The following RAB30 variants were observed in gnomAD, a reference collection of about 807,000 sequenced individuals.
RAB30 encodes the protein ras-related protein Rab-30.
In RAB30, 9 loss-of-function variants were observed where a neutral mutation model predicts 25.1. The ratio of observed to expected loss-of-function variants is 0.36; its 90% CI spans 0.22 to 0.63. The LOEUF (loss-of-function observed/expected upper bound fraction) is 0.63, where lower values mean the gene tolerates loss of function less well. Among genes scored for constraint, RAB30 ranks in the 20% least tolerant of loss-of-function variants. RAB30 has a pLI of 0.69. For missense variants in RAB30, 140 were observed against 243.5 expected (o/e 0.58, Z 2.83); for synonymous variants, 77 against 86.4 (o/e 0.89, Z 0.60).
intron 1 of RAB30, among the ~76,000 whole-genome samples, chr11:83,063,585 A>G (rs2121521340): frequency 6.6e-6 from 1 of 152,270 alleles, no homozygotes; most frequent in South Asian, 2.1e-4. Flanking sequence ...CCATCACAAA[A>G]ACCAGCAGGA....
chr11:83,037,458 C>T (rs956928534), intron 1 of RAB30, among the ~76,000 whole-genome samples: 7 of 152,160 alleles, frequency 4.6e-5, no homozygotes, highest in African/African-American at 1.7e-4. Flanking sequence ...CCATGTTGGC[C>T]GGACTGGTCT....
intron 1 of RAB30, among the ~76,000 whole-genome samples, chr11:83,014,670 G>GAAAGAAAGA (rs1555035157): frequency 4.8e-5 from 7 of 145,684 alleles, no homozygotes; most frequent in African/African-American, 1.8e-4. Context: ...AAGAAAGAAA[G>GAAAGAAAGA]AAAGAAAGAA....
chr11:83,034,811 C>T (rs1276537215), intron 1 of RAB30: 7 of 151,946 alleles, frequency 4.6e-5, no homozygotes, highest in African/African-American at 1.7e-4. Context: ...AACATTGACT[C>T]AGAGAGGTTC....
chr11:83,016,459 T>C (rs1283923619), intron 1 of RAB30, among the ~76,000 whole-genome samples: 1 of 152,230 alleles, frequency 6.6e-6, no homozygotes, highest in Non-Finnish European at 1.5e-5. Context: ...TTGGTTTCTT[T>C]TCAGATAAGA....
At chr11:82,993,764 T>C (rs1001058260) in intron 3 of RAB30, among the ~76,000 whole-genome samples, 2 of 152,230 alleles carry the variant, frequency 1.3e-5, no homozygotes, top group Admixed American at 1.3e-4. Flanking sequence ...AAAAGAAATT[T>C]CTTCCTTATC....
At chr11:83,026,658 T>C (rs1857721965) in intron 1 of RAB30, among the ~76,000 whole-genome samples, 2 of 152,172 alleles carry the variant, frequency 1.3e-5, no homozygotes, top group African/African-American at 4.8e-5. Context: ...AGTATTTCTT[T>C]GTAGTAATGC....
intron 1 of RAB30, among the ~76,000 whole-genome samples, chr11:83,061,239 CCTCT>C (rs990930554): frequency 2.0e-5 from 3 of 151,242 alleles, no homozygotes; most frequent in Admixed American, 6.6e-5. Context: ...TCTCTTTCTC[CCTCT>C]CTCTCTGTCT....
chr11:82,980,899 AAAG>A lies in RAB30; in HGVS notation c.*1263_*1265del, dbSNP rs1443140475. ...AAATAGAGAGGAAAAGAGAAAGAAA[AAAG>A]AAAGAACATATGGTTAAGCGTCTGA... On this transcript the variant is annotated 3_prime_UTR_variant, in exon 5 of 5. Transcript: ENST00000527633. The A allele has an allele frequency of 6.6e-6, 1 of 152,220 alleles. No individual in the cohort carries two copies. Among genetic ancestry groups the A allele is most frequent in the African/African-American group, 2.4e-5 (1 of 41,506 alleles). 9.4% of individuals were successfully genotyped at this position (152,220 alleles called of 1,614,324 possible). A position where few individuals can be genotyped will look rare whatever the true frequency, so the allele number is the denominator to read the frequency against.
Position 83,029,434 on chromosome 11 carries a change from G to A in RAB30, c.-8-32110C>T, listed in dbSNP as rs180961890. On this transcript the variant is annotated intron_variant, in intron 1 of 4. Coordinates refer to ENST00000527633, the MANE Select transcript of RAB30 (RefSeq NM_001286060.2). ...TATTATTATTTTGAGACAGGGTCTC[G>A]CTCTGTTGCCCAGGCTGGAGTGCAG... Among the ~76,000 whole-genome samples, 970 of 150,886 alleles carry A rather than the reference G, an allele frequency of 6.4e-3. 6 individuals are homozygous for A. Among genetic ancestry groups the A allele is most frequent in the Non-Finnish European group, 9.9e-3 (673 of 67,768 alleles).
chr11:83,047,985 C>T (rs1858269722), intron 1 of RAB30, among the ~76,000 whole-genome samples: 2 of 152,176 alleles, frequency 1.3e-5, no homozygotes, highest in South Asian at 2.1e-4. Context: ...CATGCTGGCT[C>T]ATACCTGTAA....
intron 1 of RAB30, among the ~76,000 whole-genome samples, chr11:83,044,687 G>A (rs73510138): frequency 3.3e-5 from 5 of 152,110 alleles, no homozygotes; most frequent in Admixed American, 6.6e-5. Flanking sequence ...GGTTGTTCTC[G>A]TTCATCAGAA....
chr11:82,994,078 A>C lies in RAB30; in HGVS notation c.138T>G (p.Phe46Leu). The C allele has an allele frequency of 6.2e-7, 1 of 1,612,062 alleles. No individual in the cohort carries two copies. Among genetic ancestry groups the C allele is most frequent in the Non-Finnish European group, 8.5e-7 (1 of 1,178,136 alleles). The change falls in exon 3 of 5, where the codon TTT (phenylalanine) becomes TTG (leucine). Residue 46 changes from phenylalanine (F) to leucine (L), a missense_variant. By Grantham distance (22) the Phe-to-Leu change is conservative. Coordinates refer to ENST00000527633, the MANE Select transcript of RAB30 (RefSeq NM_001286060.2). ...PGQGATIGVD[F>L]MIKTVEINGE... Reference sequence around the variant, plus strand: ...CATTAATCTCCACTGTCTTAATCATAAAATCAACTCCAATTGTGGCTCCTT... The same window carrying C: ...CATTAATCTCCACTGTCTTAATCATCAAATCAACTCCAATTGTGGCTCCTT...
chr11:83,046,794 C>A (rs894056684), intron 1 of RAB30, among the ~76,000 whole-genome samples: 1 of 152,172 alleles, frequency 6.6e-6, no homozygotes, highest in Non-Finnish European at 1.5e-5. Context: ...AGCACCCAGA[C>A]AATTTTTACA....
Position 82,981,879 on chromosome 11 carries a change from A to G in RAB30, c.*286T>C, listed in dbSNP as rs1045542004. The G allele has an allele frequency of 2.6e-6, 1 of 390,568 alleles. No homozygotes were observed. The highest frequency in any genetic ancestry group is 2.0e-5 in the African/African-American group (1 of 49,402). The allele number at this position is 390,568 out of a possible 1,614,324, so 24.2% of individuals were successfully genotyped here. On this transcript the variant is annotated 3_prime_UTR_variant, in exon 5 of 5. Transcript: ENST00000527633. ...GGACTCTGTTTAGGAATGCGCTTTT[A>G]CTTGCTTTTTAAAAAAACAAAAGCA...
chr11:83,064,566 C>T (rs1858652502), intron 1 of RAB30, among the ~76,000 whole-genome samples: 1 of 152,164 alleles, frequency 6.6e-6, no homozygotes, highest in African/African-American at 2.4e-5. Context: ...TCACAGAATA[C>T]AGGATTGTAT....
chr11:82,995,382 G>T (rs1241446215), intron 2 of RAB30, among the ~76,000 whole-genome samples: 1 of 152,168 alleles, frequency 6.6e-6, no homozygotes, highest in Non-Finnish European at 1.5e-5. Flanking sequence ...TACAAAAGCT[G>T]TCAAGCTTCA....
Position 82,991,506 on chromosome 11 carries a change from C to CAAAA in RAB30, c.177+2529_177+2532dup, listed in dbSNP as rs35298951. Among the ~76,000 whole-genome samples the CAAAA allele has an allele frequency of 5.2e-3, 341 of 65,740 alleles. 9 individuals carry two copies. The highest frequency in any genetic ancestry group is 0.016 in the African/African-American group (251 of 15,932). 43.1% of individuals were successfully genotyped at this position (65,740 alleles called of 152,430 possible). ...TAGGCAACAGAGCAAGACCCTTTCT[C>CAAAA]AAAAAAAAAAAAAAAAAAAAAAAAG... is the stretch of plus-strand genomic sequence containing the variant. On this transcript the variant is annotated intron_variant, in intron 3 of 4. Transcript: ENST00000527633.
At chr11:83,039,513 T>C (rs986060848) in intron 1 of RAB30, among the ~76,000 whole-genome samples, 2 of 152,140 alleles carry the variant, frequency 1.3e-5, no homozygotes, top group African/African-American at 4.8e-5. Context: ...ACTCCATCTC[T>C]TCAAAAAATA....
chr11:83,069,426 A>G (rs1858780988), intron 1 of RAB30, among the ~76,000 whole-genome samples: 2 of 152,182 alleles, frequency 1.3e-5, no homozygotes, highest in Non-Finnish European at 2.9e-5. Context: ...TCCCGTTAAG[A>G]GAAGAGAATA....
Sources: allele counts gnomAD v4.1 joint callset (sites outside exome capture counted in the v4.1 genomes callset), GRCh38; gene constraint gnomAD v4.1.1; transcripts MANE v1.5; gene names NCBI Gene and HGNC (gene_info 2026-07-23, HGNC 2026-07-21).